CRACD: variants seen among roughly 807,000 people sequenced by gnomAD.
The protein encoded by CRACD is capping protein-inhibiting regulator of actin dynamics.
A neutral mutation model predicts 106.8 loss-of-function variants in CRACD; 56 were observed. That is an observed-to-expected ratio of 0.52 (90% CI 0.42 to 0.66). The LOEUF (loss-of-function observed/expected upper bound fraction) is 0.66, where lower values mean the gene tolerates loss of function less well. Among genes scored for constraint, CRACD ranks in the 30% least tolerant of loss-of-function variants. CRACD has a pLI of 0.00. For missense variants in CRACD, 1,730 were observed against 1,623.2 expected, an observed-to-expected ratio of 1.07 and a Z score of -1.13; for synonymous variants, 754 against 670.8, an observed-to-expected ratio of 1.12 and a Z score of -1.92.
rs149016937 is a variant in CRACD, at chr4:56,093,365, T to C, written c.-336+44066T>C. Among the ~76,000 whole-genome samples the C allele has an allele frequency of 1.8e-3, 277 of 152,334 alleles. 4 individuals are homozygous for C. The Middle Eastern group carries it at 0.031, about 17-fold the overall frequency. On this transcript the variant is annotated intron_variant, in intron 1 of 10. Transcript: ENST00000682029. ...CTCAGAGAGCCAGGTTGAGAAATCA[T>C]TGTGCAGGTTCATGACGCGTATTCA...
At chr4:56,242,043 TGA>T in intron 2 of CRACD, among the ~76,000 whole-genome samples, 2 of 152,206 alleles carry the variant, frequency 1.3e-5, no homozygotes, top group African/African-American at 4.8e-5. Context: ...TTATTTTGAA[TGA>T]CAAAGTAAGA....
chr4:56,239,792 C>A (rs6828347), intron 2 of CRACD, among the ~76,000 whole-genome samples: 19 of 151,956 alleles, frequency 1.3e-4, no homozygotes, highest in Non-Finnish European at 2.4e-4. Context: ...GCTCCCACCC[C>A]CTGCCCCAGA....
intron 1 of CRACD, among the ~76,000 whole-genome samples, chr4:56,160,668 T>G (rs1399154017): frequency 2.6e-5 from 4 of 152,230 alleles, no homozygotes; most frequent in Non-Finnish European, 5.9e-5. Context: ...GCAAGCTGCT[T>G]AAACCTTGGG....
chr4:56,313,311 G>T lies in CRACD; in HGVS notation c.469G>T (p.Ala157Ser), dbSNP rs1481842908. 6.2e-7 allele frequency: 1 copy of T among 1,614,206 alleles called. No homozygotes were observed. The highest frequency in any genetic ancestry group is 8.5e-7 in the Non-Finnish European group (1 of 1,180,038). The part of the protein sequence containing the change: ...LAIARLDNSA[A>S]KHKLAVKPKK... Reference sequence around the variant, plus strand: ...CATCGCTCGCCTGGACAACAGTGCCGCCAAGCACAAGCTGGCTGTTAAGCC... The same window carrying T: ...CATCGCTCGCCTGGACAACAGTGCCTCCAAGCACAAGCTGGCTGTTAAGCC... Residue 157 changes from alanine (A) to serine (S), a missense_variant, in exon 7 of 11, where the codon GCC (alanine) becomes TCC (serine). Physicochemically the swap from Ala to Ser is moderately conservative, Grantham distance 99. Coordinates refer to ENST00000682029, the MANE Select transcript of CRACD (RefSeq NM_001393381.1).
chr4:56,127,740 C>T (rs756391881), intron 1 of CRACD, among the ~76,000 whole-genome samples: 3 of 152,156 alleles, frequency 2.0e-5, no homozygotes, highest in Non-Finnish European at 2.9e-5. Context: ...TGTCAGAGGT[C>T]ATTCTCAGTT....
chr4:56,285,580 C>T lies in CRACD; in HGVS notation c.-16-12634C>T, dbSNP rs558875596. On this transcript the variant is annotated intron_variant, in intron 3 of 10. Transcript: ENST00000682029. ...TGAGCCTCCTGAGTAGCTGGGACAA[C>T]AGGCACGGGCCACCACGCCCCATGA... 3.3e-5 allele frequency among the ~76,000 whole-genome samples: 5 copies of T among 152,210 alleles called. No homozygotes were observed. The East Asian group carries it at 9.7e-4, about 29-fold the overall frequency.
chr4:56,237,755 C>CACACAA (rs1246576696), intron 2 of CRACD, among the ~76,000 whole-genome samples: 5 of 137,162 alleles, frequency 3.6e-5, no homozygotes, highest in Non-Finnish European at 6.5e-5. Flanking sequence ...CACACACACA[C>CACACAA]ACACACAAAC....
rs1458215298 is a variant in CRACD, at chr4:56,114,632, AGG to A, written c.-335-64650_-335-64649del. On this transcript the variant is annotated intron_variant, in intron 1 of 10. Transcript: ENST00000682029. The stretch of plus-strand genomic sequence containing the variant: ...TTCCTGGGGCACTATTTCAAACTGT[AGG>A]GCAGGACTCATTAGAGGTGCATAAT... Among the ~76,000 whole-genome samples the A allele has an allele frequency of 3.3e-5, 5 of 152,198 alleles. No individual in the cohort carries two copies. In the East Asian group the frequency reaches 5.8e-4, roughly 18 times the overall value.
At position 56,184,660 on chromosome 4, in the gene CRACD, A is replaced by C. The variant is rs530194320; in HGVS notation, c.-189+5230A>C. 2.0e-5 allele frequency among the ~76,000 whole-genome samples: 3 copies of C among 152,292 alleles called. No individual in the cohort carries two copies. In the South Asian group the frequency reaches 6.2e-4, roughly 32 times the overall value. ...GAAGTTAGACTACATGGGCCAGGCA[A>C]ATCTGGGGTCATTGGTTTGAATTAC... On this transcript the variant is annotated intron_variant, in intron 2 of 10. Transcript: ENST00000682029.
chr4:56,244,135 G>A (rs1740537492), intron 2 of CRACD, among the ~76,000 whole-genome samples: 1 of 152,172 alleles, frequency 6.6e-6, no homozygotes, highest in African/African-American at 2.4e-5. Flanking sequence ...AACGTTCTGG[G>A]AACTTGAGAA....
chr4:56,092,775 A>G (rs1012171988), intron 1 of CRACD, among the ~76,000 whole-genome samples: 1 of 151,666 alleles, frequency 6.6e-6, no homozygotes, highest in Non-Finnish European at 1.5e-5. Flanking sequence ...CTAATTTTTA[A>G]ATTTTATTTT....
chr4:56,293,535 T>C (rs1164113853), intron 3 of CRACD, among the ~76,000 whole-genome samples: 1 of 152,006 alleles, frequency 6.6e-6, no homozygotes, highest in African/African-American at 2.4e-5. Context: ...AGAAAAGAGG[T>C]TTAATTGGCC....
intron 2 of CRACD, among the ~76,000 whole-genome samples, chr4:56,215,707 A>G (rs149257246): frequency 1.7e-3 from 252 of 152,352 alleles, no homozygotes; most frequent in African/African-American, 5.8e-3. Context: ...TAGTATTACT[A>G]TCCTCAATTT....
At chr4:56,111,470 T>C (rs553025832) in intron 1 of CRACD, among the ~76,000 whole-genome samples, 1 of 152,288 alleles carries the variant, frequency 6.6e-6, no homozygotes, top group East Asian at 1.9e-4. Context: ...AACATACATA[T>C]AAAAAAGTAA....
intron 10 of CRACD, among the ~76,000 whole-genome samples, chr4:56,324,624 G>A (rs1257646499): frequency 6.6e-6 from 1 of 152,190 alleles, no homozygotes; most frequent in East Asian, 1.9e-4. Flanking sequence ...TGAACGTTTA[G>A]CACGGCAGTA....
intron 1 of CRACD, among the ~76,000 whole-genome samples, chr4:56,135,054 C>T (rs1156251138): frequency 3.9e-5 from 6 of 151,974 alleles, no homozygotes; most frequent in Admixed American, 6.6e-5. Flanking sequence ...GAGCCCGAGG[C>T]GGGTGGATTA....
At chr4:56,234,782 C>A (rs1739864132) in intron 2 of CRACD, among the ~76,000 whole-genome samples, 2 of 152,140 alleles carry the variant, frequency 1.3e-5, no homozygotes, top group Admixed American at 6.5e-5. Flanking sequence ...TTGATTAATT[C>A]CTTTTCATAT....
intron 2 of CRACD, among the ~76,000 whole-genome samples, chr4:56,270,853 G>A (rs1031697444): frequency 6.6e-6 from 1 of 151,954 alleles, no homozygotes; most frequent in Non-Finnish European, 1.5e-5. Context: ...AGGCCAAGGC[G>A]GACGGATCAT....
chr4:56,186,244 A>G (rs1486663248), intron 2 of CRACD, among the ~76,000 whole-genome samples: 2 of 152,202 alleles, frequency 1.3e-5, no homozygotes, highest in Non-Finnish European at 2.9e-5. Context: ...GAACTTAAGA[A>G]TTAGGTTGGT....
Sources: gnomAD v4.1 joint callset for allele counts (sites outside exome capture counted in the v4.1 genomes callset) on GRCh38, gnomAD v4.1.1 for gene constraint, MANE v1.5 for transcripts, NCBI Gene and HGNC (gene_info 2026-07-23, HGNC 2026-07-21) for gene names.